The following MTHFS variants were observed in gnomAD, a reference collection of about 807,000 sequenced individuals.
MTHFS encodes the protein 5-formyltetrahydrofolate cyclo-ligase.
A neutral mutation model predicts 12.7 loss-of-function variants in MTHFS; 7 were observed. That is an observed-to-expected ratio of 0.55 (90% CI 0.31 to 1.03). MTHFS has a LOEUF of 1.03. Among genes scored for constraint, MTHFS ranks in the 50% least tolerant of loss-of-function variants. The pLI, the probability that MTHFS is intolerant of heterozygous loss-of-function variation, is 0.05. For missense variants in MTHFS, 252 were observed against 258.1 expected (o/e 0.98, Z 0.16); for synonymous variants, 100 against 97.1 (o/e 1.03, Z -0.18).
intron 2 of MTHFS, among the ~76,000 whole-genome samples, chr15:79,857,802 G>C (rs1199015620): frequency 6.6e-6 from 1 of 151,814 alleles, no homozygotes; most frequent in African/African-American, 2.4e-5. Flanking sequence ...AGATCACGAG[G>C]TCAGGAGTTC....
intron 2 of MTHFS, among the ~76,000 whole-genome samples, chr15:79,874,457 G>C (rs964994284): frequency 6.6e-6 from 1 of 152,098 alleles, no homozygotes; most frequent in Non-Finnish European, 1.5e-5. Flanking sequence ...CTCCATCCCA[G>C]AAAACTGTCA....
chr15:79,848,909 G>A (rs1193588972), intron 2 of MTHFS, among the ~76,000 whole-genome samples: 1 of 152,098 alleles, frequency 6.6e-6, no homozygotes, highest in Non-Finnish European at 1.5e-5. Flanking sequence ...TGAATATTTT[G>A]CCTGCAGAAT....
chr15:79,888,935 C>G (rs996749940), intron 2 of MTHFS, among the ~76,000 whole-genome samples, 158 bp downstream of exon 2: 1 of 152,210 alleles, frequency 6.6e-6, no homozygotes, highest in Non-Finnish European at 1.5e-5. Flanking sequence ...AAAGGCATCA[C>G]ATCCTAAACC....
intron 2 of MTHFS, among the ~76,000 whole-genome samples, chr15:79,867,586 AT>A (rs2034034579): frequency 6.6e-6 from 1 of 152,010 alleles, no homozygotes; most frequent in Admixed American, 6.5e-5. Context: ...AAATGAAAAA[AT>A]AGAAAAAAAT....
intron 1 of MTHFS, 45 bp downstream of exon 1, chr15:79,896,827 C>T (rs1366644210): frequency 2.0e-6 from 3 of 1,537,118 alleles, no homozygotes; most frequent in Admixed American, 2.0e-5. Context: ...GCCAGGCCTT[C>T]GGAGGGTCTG....
At chr15:79,886,467 A>C (rs546937507) in intron 2 of MTHFS, among the ~76,000 whole-genome samples, 1 of 152,268 alleles carries the variant, frequency 6.6e-6, no homozygotes, top group South Asian at 2.1e-4. Flanking sequence ...TTTACAATCC[A>C]GATTGCAAGT....
At chr15:79,873,390 T>A (rs2034139275) in intron 2 of MTHFS, among the ~76,000 whole-genome samples, 1 of 152,110 alleles carries the variant, frequency 6.6e-6, no homozygotes, top group Non-Finnish European at 1.5e-5. Flanking sequence ...CAATGCAAAA[T>A]AATTGCTTAG....
intron 1 of MTHFS, among the ~76,000 whole-genome samples, chr15:79,893,542 C>T (rs2034512734): frequency 6.7e-6 from 1 of 148,792 alleles, no homozygotes; most frequent in South Asian, 2.1e-4. Flanking sequence ...ACTAAAAATA[C>T]AAAAAATTAG....
Position 79,889,212 on chromosome 15 carries a change from C to T in MTHFS, c.260G>A (p.Ser87Asn). ...TATTCTCACCATATCCATGTGATTG[C>T]TCTGGAACCGGTACCGAGGGATGAA... ...ICFIPRYRFQSNHMDMVRIES... is the reference protein window; with the variant it reads ...ICFIPRYRFQNNHMDMVRIES... The change falls in exon 2 of 3, where the codon AGC becomes AAC. Residue 87 changes from serine (S) to asparagine (N), a missense_variant. Ser to Asn is a conservative substitution (Grantham distance 46). Coordinates refer to ENST00000258874, the MANE Select transcript of MTHFS (RefSeq NM_006441.4). 1 of 1,614,170 alleles carries T rather than the reference C, an allele frequency of 6.2e-7. No homozygotes were observed. The highest frequency in any genetic ancestry group is 8.5e-7 in the Non-Finnish European group (1 of 1,180,032).
intron 1 of MTHFS, among the ~76,000 whole-genome samples, chr15:79,896,066 A>G (rs1458978012): frequency 6.6e-6 from 1 of 152,264 alleles, no homozygotes; most frequent in Non-Finnish European, 1.5e-5. Flanking sequence ...TACATAGACT[A>G]AAAATACATA....
At chr15:79,847,387 G>A (rs75625717) in intron 2 of MTHFS, among the ~76,000 whole-genome samples, 1 of 151,996 alleles carries the variant, frequency 6.6e-6, no homozygotes, top group Non-Finnish European at 1.5e-5. Context: ...TAAAAACTGG[G>A]CAAAAGACTT....
intron 2 of MTHFS, among the ~76,000 whole-genome samples, chr15:79,872,103 C>CAAAAAAAAAAAAAAAAAAAAAAAAA: frequency 1.5e-5 from 1 of 66,772 alleles, no homozygotes; most frequent in Non-Finnish European, 2.9e-5. Context: ...GACTCCGTCT[C>CAAAAAAAAAAAAAAAAAAAAAAAAA]AAAAAAAAAA....
intron 2 of MTHFS, among the ~76,000 whole-genome samples, chr15:79,861,721 C>T (rs1440012480): frequency 6.6e-6 from 1 of 152,148 alleles, no homozygotes; most frequent in African/African-American, 2.4e-5. Context: ...GGTTAAATAA[C>T]TTAGAGCACA....
intron 2 of MTHFS, among the ~76,000 whole-genome samples, chr15:79,875,435 C>A (rs1010336078): frequency 1.3e-5 from 2 of 152,104 alleles, no homozygotes; most frequent in Non-Finnish European, 1.5e-5. Flanking sequence ...CAAAGCTGTC[C>A]TTCAAAAACA....
chr15:79,870,076 T>C (rs2141359009), intron 2 of MTHFS, among the ~76,000 whole-genome samples: 1 of 152,326 alleles, frequency 6.6e-6, no homozygotes, highest in East Asian at 1.9e-4. Context: ...AATTAATGAA[T>C]ATTAAATTTG....
chr15:79,857,106 C>T (rs1437723843), intron 2 of MTHFS, among the ~76,000 whole-genome samples: 1 of 152,054 alleles, frequency 6.6e-6, no homozygotes, highest in Non-Finnish European at 1.5e-5. Context: ...AGCCATTCTC[C>T]TGCCTCAGCC....
chr15:79,845,159 T>A lies in MTHFS; in HGVS notation c.*51A>T. ...TTGACAAGGGAAAAATACACATACT[T>A]TGCTTTACTCTCATATAAAACACTG... On this transcript the variant is annotated 3_prime_UTR_variant, in exon 3 of 3. Coordinates refer to ENST00000258874, the MANE Select transcript of MTHFS (RefSeq NM_006441.4). 1 of 1,594,428 alleles carries A rather than the reference T, an allele frequency of 6.3e-7. No individual in the cohort carries two copies. The highest frequency in any genetic ancestry group is 2.2e-5 in the East Asian group (1 of 44,580).
At chr15:79,872,116 A>AAC (rs1455792408) in intron 2 of MTHFS, among the ~76,000 whole-genome samples, 44 of 151,708 alleles carry the variant, frequency 2.9e-4, no homozygotes, top group Admixed American at 1.4e-3. Context: ...AAAAAAAAAA[A>AAC]AAAAAAAAAA....
intron 1 of MTHFS, among the ~76,000 whole-genome samples, chr15:79,894,822 G>C (rs1338500138): frequency 1.3e-5 from 2 of 152,138 alleles, no homozygotes; most frequent in Admixed American, 6.5e-5. Flanking sequence ...AAGTCCTGCT[G>C]TTTCTCACTT....
Sources: gnomAD v4.1 joint callset for allele counts (sites outside exome capture counted in the v4.1 genomes callset) on GRCh38, gnomAD v4.1.1 for gene constraint, MANE v1.5 for transcripts, NCBI Gene and HGNC (gene_info 2026-07-23, HGNC 2026-07-21) for gene names.